Variants in CCDC91 observed in about 807,000 individuals in gnomAD.
The protein encoded by CCDC91 is coiled-coil domain-containing protein 91.
A neutral mutation model predicts 63.2 loss-of-function variants in CCDC91; 48 were observed. That is an observed-to-expected ratio of 0.76 (90% CI 0.60 to 0.97). CCDC91 has a LOEUF of 0.97. Among genes scored for constraint, CCDC91 ranks in the 50% least tolerant of loss-of-function variants. The pLI is 0.00. For missense variants in CCDC91, 500 were observed against 494.6 expected, an observed-to-expected ratio of 1.01 and a Z score of -0.10; for synonymous variants, 167 against 165.8, an observed-to-expected ratio of 1.01 and a Z score of -0.06.
chr12:28,278,427 C>G (rs1024228019), intron 3 of CCDC91, among the ~76,000 whole-genome samples: 12 of 151,984 alleles, frequency 7.9e-5, no homozygotes, highest in Non-Finnish European at 1.3e-4. Flanking sequence ...TTCTTTGGAG[C>G]CTTCCTGCCT....
chr12:28,324,662 A>AT (rs1301540465), intron 6 of CCDC91, among the ~76,000 whole-genome samples: 1 of 151,636 alleles, frequency 6.6e-6, no homozygotes, highest in Non-Finnish European at 1.5e-5. Flanking sequence ...ACAAGGTTTC[A>AT]TTTTCCTTAC....
intron 12 of CCDC91, among the ~76,000 whole-genome samples, chr12:28,498,856 G>A (rs1952458796): frequency 6.6e-6 from 1 of 151,626 alleles, no homozygotes; most frequent in Middle Eastern, 3.2e-3. Context: ...AAAAATTCTT[G>A]TTAATTATCT....
chr12:28,408,521 T>C (rs542374357), intron 8 of CCDC91, among the ~76,000 whole-genome samples: 38 of 152,324 alleles, frequency 2.5e-4, no homozygotes, highest in African/African-American at 8.2e-4. Context: ...TGGTTTTGAT[T>C]TGCATTTCTC....
chr12:28,422,571 A>C (rs1297179579), intron 8 of CCDC91, among the ~76,000 whole-genome samples: 1 of 152,054 alleles, frequency 6.6e-6, no homozygotes, highest in African/African-American at 2.4e-5. Flanking sequence ...CATTTTATTA[A>C]CTGCTAATTA....
rs183094318 is a variant in CCDC91, at chr12:28,448,960, G to A, written c.763-1201G>A. Among the ~76,000 whole-genome samples, 18 of 152,050 alleles carry A rather than the reference G, an allele frequency of 1.2e-4. No individual in the cohort carries two copies. In the East Asian group the frequency reaches 2.5e-3, roughly 21 times the overall value. ...AAATCTCAGTTATTAATACTTATAC[G>A]TTAATTATGTGGTAAGTCTACTCAT... On this transcript the variant is annotated intron_variant, in intron 8 of 12. Coordinates refer to ENST00000536442, the MANE Select transcript of CCDC91 (RefSeq NM_018318.5).
At chr12:28,282,754 G>A (rs1245823570) in intron 3 of CCDC91, among the ~76,000 whole-genome samples, 1 of 151,982 alleles carries the variant, frequency 6.6e-6, no homozygotes, top group African/African-American at 2.4e-5. Flanking sequence ...ATTTGCATTT[G>A]GGATCTTAGT....
At chr12:28,481,203 A>G (rs1399299715) in intron 11 of CCDC91, among the ~76,000 whole-genome samples, 5 of 152,138 alleles carry the variant, frequency 3.3e-5, no homozygotes, top group African/African-American at 1.2e-4. Context: ...TTTCACAAAT[A>G]CAGCATAACA....
At chr12:28,284,071 G>T (rs1486432956) in intron 3 of CCDC91, among the ~76,000 whole-genome samples, 1 of 152,028 alleles carries the variant, frequency 6.6e-6, no homozygotes, top group African/African-American at 2.4e-5. Context: ...CTTATATAAG[G>T]ATAGCACTCT....
chr12:28,336,882 A>C (rs1298871556), intron 6 of CCDC91, among the ~76,000 whole-genome samples: 1 of 152,198 alleles, frequency 6.6e-6, no homozygotes, highest in Non-Finnish European at 1.5e-5. Flanking sequence ...TAACTATTCA[A>C]ACTTTATATA....
intron 8 of CCDC91, among the ~76,000 whole-genome samples, chr12:28,415,980 T>C (rs200773881): frequency 6.9e-6 from 1 of 144,458 alleles, no homozygotes; most frequent in Non-Finnish European, 1.5e-5. Context: ...TTTTTTTTTT[T>C]CTTTTTTCTT....
At chr12:28,384,417 T>C (rs918743548) in intron 7 of CCDC91, among the ~76,000 whole-genome samples, 4 of 152,090 alleles carry the variant, frequency 2.6e-5, no homozygotes, top group African/African-American at 9.7e-5. Context: ...AGTTCATGCA[T>C]GGTGCATGAA....
intron 11 of CCDC91, among the ~76,000 whole-genome samples, chr12:28,455,004 C>T (rs1211147808): frequency 1.3e-5 from 2 of 151,958 alleles, no homozygotes; most frequent in Non-Finnish European, 2.9e-5. Flanking sequence ...TTGTTGACAT[C>T]ATCTGGTATT....
chr12:28,286,418 C>T (rs754320627), intron 3 of CCDC91, among the ~76,000 whole-genome samples: 2 of 152,064 alleles, frequency 1.3e-5, no homozygotes. Flanking sequence ...TCCATGTGTT[C>T]TCATCATTTA....
intron 1 of CCDC91, among the ~76,000 whole-genome samples, chr12:28,219,223 CTTAA>C (rs925006338): frequency 3.8e-4 from 58 of 152,048 alleles, no homozygotes; most frequent in African/African-American, 1.3e-3. Context: ...TTTTCATGTG[CTTAA>C]TTGAGATTAT....
chr12:28,266,538 A>G (rs1262314143), intron 3 of CCDC91, among the ~76,000 whole-genome samples: 3 of 152,042 alleles, frequency 2.0e-5, no homozygotes, highest in African/African-American at 7.2e-5. Context: ...TTCTAAAAAC[A>G]TAGAACACAA....
intron 3 of CCDC91, among the ~76,000 whole-genome samples, chr12:28,296,217 TTA>T (rs1317232291): frequency 1.3e-5 from 2 of 151,764 alleles, no homozygotes; most frequent in African/African-American, 2.4e-5. Context: ...TTATATAATT[TTA>T]TGTTGACTAT....
At chr12:28,390,113 G>C (rs1945841608) in intron 7 of CCDC91, among the ~76,000 whole-genome samples, 1 of 152,072 alleles carries the variant, frequency 6.6e-6, no homozygotes, top group Non-Finnish European at 1.5e-5. Context: ...AGGAGTAGTA[G>C]CATCATCAGA....
intron 1 of CCDC91, among the ~76,000 whole-genome samples, chr12:28,192,220 T>C (rs1186036095): frequency 2.0e-5 from 3 of 152,200 alleles, no homozygotes; most frequent in Non-Finnish European, 4.4e-5. Flanking sequence ...AAAATGAGCT[T>C]GTCTGGAGCT....
chr12:28,538,551 G>A (rs1942373299), intron 12 of CCDC91, among the ~76,000 whole-genome samples: 1 of 151,948 alleles, frequency 6.6e-6, no homozygotes, highest in South Asian at 2.1e-4. Flanking sequence ...ATTGTGAATA[G>A]TGCCACAATA....
Sources: gnomAD v4.1 joint callset for allele counts (sites outside exome capture counted in the v4.1 genomes callset) on GRCh38, gnomAD v4.1.1 for gene constraint, MANE v1.5 for transcripts, NCBI Gene and HGNC (gene_info 2026-07-23, HGNC 2026-07-21) for gene names.